TAPT1: variants seen among roughly 807,000 people sequenced by gnomAD.
TAPT1 encodes the protein transmembrane anterior posterior transformation 1.
A neutral mutation model predicts 65.6 loss-of-function variants in TAPT1; 28 were observed. The observed-to-expected ratio is 0.43, with a 90% confidence interval of 0.32 to 0.59. The LOEUF (loss-of-function observed/expected upper bound fraction) is 0.59, where lower values mean the gene tolerates loss of function less well. Among genes scored for constraint, TAPT1 ranks in the 20% least tolerant of loss-of-function variants. TAPT1 has a pLI of 0.09. For missense variants in TAPT1, 563 were observed against 679.9 expected (o/e 0.83, Z 1.91); for synonymous variants, 278 against 245.2 (o/e 1.13, Z -1.25).
At chr4:16,186,179 T>C (rs897918799) in intron 7 of TAPT1, among the ~76,000 whole-genome samples, 2 of 152,238 alleles carry the variant, frequency 1.3e-5, no homozygotes, top group South Asian at 2.1e-4. Context: ...CTGAGATTTA[T>C]AGACATAGTT....
chr4:16,212,899 G>C (rs948464019), intron 2 of TAPT1, among the ~76,000 whole-genome samples: 4 of 152,100 alleles, frequency 2.6e-5, no homozygotes, highest in African/African-American at 9.7e-5. Context: ...ATCAGAAATA[G>C]AACATCAGCC....
chr4:16,173,449 T>C (rs890091630), intron 11 of TAPT1, among the ~76,000 whole-genome samples: 23 of 152,116 alleles, frequency 1.5e-4, no homozygotes, highest in African/African-American at 5.1e-4. Context: ...GATGGAGTCT[T>C]GCTCTTTCGC....
At chr4:16,171,185 C>T (rs1747967633) in intron 11 of TAPT1, among the ~76,000 whole-genome samples, 1 of 152,122 alleles carries the variant, frequency 6.6e-6, no homozygotes, top group Non-Finnish European at 1.5e-5. Context: ...GCCCTCCGTC[C>T]TTTCTTCTTT....
In TAPT1 at chr4:16,160,646, AT is replaced by A. The variant is rs1185964584; in HGVS notation, c.*2661del. 6.6e-6 allele frequency: 1 copy of A among 152,202 alleles called. No homozygotes were observed. The highest frequency in any genetic ancestry group is 2.4e-5 in the African/African-American group (1 of 41,440). The allele number at this position is 152,202 out of a possible 1,614,324, so 9.4% of individuals were successfully genotyped here. A position where few individuals can be genotyped will look rare whatever the true frequency, so the allele number is the denominator to read the frequency against. On this transcript the variant is annotated 3_prime_UTR_variant, in exon 14 of 14. Transcript: ENST00000405303. The stretch of plus-strand genomic sequence containing the variant: ...AGACGAACAGGGACTTATCTTGCTC[AT>A]TGCTGATCCCACCACTTAGAACAGT...
At chr4:16,207,106 T>TG (rs1245447563) in intron 2 of TAPT1, among the ~76,000 whole-genome samples, 1 of 152,114 alleles carries the variant, frequency 6.6e-6, no homozygotes, top group African/African-American at 2.4e-5. Context: ...CAGCAGGGGC[T>TG]GGGGGACAAG....
chr4:16,188,143 A>G, intron 5 of TAPT1, 77 bp downstream of exon 5: 1 of 1,265,564 alleles, frequency 7.9e-7, no homozygotes, highest in Non-Finnish European at 1.1e-6. Context: ...CTTTAAATCT[A>G]TAAAATGGCT....
chr4:16,224,255 A>G (rs982050799), intron 1 of TAPT1, among the ~76,000 whole-genome samples: 1 of 152,168 alleles, frequency 6.6e-6, no homozygotes, highest in Admixed American at 6.5e-5. Flanking sequence ...AAGGAGGGGA[A>G]GGAAGGATTA....
rs562148422 is a variant in TAPT1, at chr4:16,196,631, T to G, written c.450-5108A>C. 48 of 1,236,444 alleles carry G rather than the reference T, an allele frequency of 3.9e-5. No individual in the cohort carries two copies. The East Asian group carries it at 2.5e-3, about 64-fold the overall frequency. 76.6% of individuals were successfully genotyped at this position (1,236,444 alleles called of 1,614,324 possible). On this transcript the variant is annotated intron_variant, in intron 3 of 13. Transcript: ENST00000405303. ...ATGAATGTCAATTTGGCCAAGAGTA[T>G]AGAAGGAAAAATCAGGGTTTACTCA...
At chr4:16,213,494 T>A (rs1022884786) in intron 2 of TAPT1, among the ~76,000 whole-genome samples, 1 of 152,208 alleles carries the variant, frequency 6.6e-6, no homozygotes, top group Non-Finnish European at 1.5e-5. Flanking sequence ...AAGTAGAGAT[T>A]AATTCCTTAC....
chr4:16,225,153 A>G (rs1751472062), intron 1 of TAPT1, among the ~76,000 whole-genome samples: 1 of 152,260 alleles, frequency 6.6e-6, no homozygotes, highest in African/African-American at 2.4e-5. Context: ...AAGACCAAAC[A>G]AGACCGTCTG....
intron 2 of TAPT1, among the ~76,000 whole-genome samples, chr4:16,204,699 G>T (rs545381526): frequency 6.6e-6 from 1 of 152,190 alleles, no homozygotes; most frequent in Non-Finnish European, 1.5e-5. Flanking sequence ...GTGCATGGCC[G>T]CAGTCTAGTA....
rs561039457 is a variant in TAPT1, at chr4:16,162,829, T to C, written c.*479A>G. 5 of 321,950 alleles carry C rather than the reference T, an allele frequency of 1.6e-5. No individual in the cohort carries two copies. Among genetic ancestry groups the C allele is most frequent in the East Asian group, 1.6e-4 (2 of 12,844 alleles). 19.9% of individuals were successfully genotyped at this position (321,950 alleles called of 1,614,324 possible). A position where few individuals can be genotyped will look rare whatever the true frequency, so the allele number is the denominator to read the frequency against. Reference sequence around the variant, plus strand: ...TGGTAAGAACATTTATCTTGACTTATGTTTAATTTTTTTAATGCTTTGGCA... The same window carrying C: ...TGGTAAGAACATTTATCTTGACTTACGTTTAATTTTTTTAATGCTTTGGCA... On this transcript the variant is annotated 3_prime_UTR_variant, in exon 14 of 14. Transcript: ENST00000405303.
intron 1 of TAPT1, among the ~76,000 whole-genome samples, chr4:16,223,775 T>C (rs1341652879): frequency 6.6e-6 from 1 of 152,018 alleles, no homozygotes; most frequent in East Asian, 1.9e-4. Context: ...AGGAGAGATA[T>C]AAAACAAAAA....
intron 5 of TAPT1, among the ~76,000 whole-genome samples, chr4:16,187,812 AT>A: frequency 6.6e-6 from 1 of 152,298 alleles, no homozygotes; most frequent in East Asian, 1.9e-4. Context: ...CCAATTTCAC[AT>A]TACACTTTTA....
intron 7 of TAPT1, among the ~76,000 whole-genome samples, chr4:16,185,120 T>TA (rs1361057667): frequency 6.6e-6 from 1 of 152,070 alleles, no homozygotes; most frequent in Non-Finnish European, 1.5e-5. Flanking sequence ...TATGAACCAC[T>TA]ATGAATTAAT....
At chr4:16,219,514 A>T (rs992932873) in intron 1 of TAPT1, among the ~76,000 whole-genome samples, 3 of 152,208 alleles carry the variant, frequency 2.0e-5, no homozygotes, top group African/African-American at 7.2e-5. Context: ...GCGCGATGCT[A>T]ATAGGCTGGG....
rs1024680835 is a variant in TAPT1 at position 16,163,218 on chromosome 4, T to G, written c.*90A>C. 1.1e-6 allele frequency: 1 copy of G among 918,200 alleles called. No individual in the cohort carries two copies. Among genetic ancestry groups the G allele is most frequent in the African/African-American group, 1.7e-5 (1 of 60,126 alleles). 56.9% of individuals were successfully genotyped at this position (918,200 alleles called of 1,614,324 possible). On this transcript the variant is annotated 3_prime_UTR_variant, in exon 14 of 14. Coordinates refer to ENST00000405303, the MANE Select transcript of TAPT1 (RefSeq NM_153365.3). ...AATAATTTAAGTTTTTAAATAAATATTTAAGTGCCATGTTTAGCATCTATT... is the reference window on the plus strand; with the variant it reads ...AATAATTTAAGTTTTTAAATAAATAGTTAAGTGCCATGTTTAGCATCTATT...
intron 12 of TAPT1, among the ~76,000 whole-genome samples, chr4:16,168,298 T>C (rs1420851812): frequency 2.2e-4 from 33 of 152,060 alleles, no homozygotes; most frequent in Non-Finnish European, 4.3e-4. Flanking sequence ...TTTGTAGAGA[T>C]GGGGTCTTGC....
At chr4:16,188,156 C>A (rs929099367) in intron 5 of TAPT1, 64 bp downstream of exon 5, 9 of 1,394,752 alleles carry the variant, frequency 6.5e-6, no homozygotes, top group Admixed American at 2.3e-5. Flanking sequence ...AAATGGCTAA[C>A]CAAATAAAAT....
Sources: gnomAD v4.1 joint callset for allele counts (sites outside exome capture counted in the v4.1 genomes callset) on GRCh38, gnomAD v4.1.1 for gene constraint, MANE v1.5 for transcripts, NCBI Gene and HGNC (gene_info 2026-07-23, HGNC 2026-07-21) for gene names.